Variants in LMNB1 observed in about 807,000 individuals in gnomAD.
LMNB1 encodes lamin-B1.
LMNB1 carries 23 observed loss-of-function variants against 67.1 expected under a neutral mutation model. The ratio of observed to expected loss-of-function variants is 0.34; its 90% CI spans 0.25 to 0.49. The LOEUF is 0.49. Among genes scored for constraint, LMNB1 ranks in the 20% least tolerant of loss-of-function variants. The pLI, the probability that LMNB1 is intolerant of heterozygous loss-of-function variation, is 0.99. For synonymous variants in LMNB1, 281 were observed against 282.9 expected, an observed-to-expected ratio of 0.99 and a Z score of 0.07; for missense variants, 634 against 746.5, an observed-to-expected ratio of 0.85 and a Z score of 1.76.
chr5:126,821,092 A>G lies in LMNB1; in HGVS notation c.1343A>G (p.Asp448Gly), dbSNP rs911739461. The G allele has an allele frequency of 2.2e-5, 36 of 1,613,778 alleles. No homozygotes were observed. The highest frequency in any genetic ancestry group is 4.0e-5 in the African/African-American group (3 of 74,894). The stretch of plus-strand genomic sequence containing the variant: ...GGAAATGTTTGCATCGAAGAAATTG[A>G]TGTTGATGGGAAATTTATCCGCTTG... ...ATGNVCIEEI[D>G]VDGKFIRLKN... The change falls in exon 7 of 11, where the codon GAT becomes GGT. Residue 448 changes from aspartate to glycine, a missense_variant. By Grantham distance (94) the Asp-to-Gly change is moderately conservative. Transcript: ENST00000261366.
chr5:126,828,913 T>C (rs894981559), intron 9 of LMNB1, among the ~76,000 whole-genome samples: 2 of 152,300 alleles, frequency 1.3e-5, no homozygotes, highest in Middle Eastern at 6.8e-3. Context: ...TGCGAGGCTC[T>C]GTTTTAAGTG....
At chr5:126,820,705 T>G (rs1004631121) in intron 6 of LMNB1, among the ~76,000 whole-genome samples, 4 of 152,034 alleles carry the variant, frequency 2.6e-5, no homozygotes, top group Non-Finnish European at 5.9e-5. Context: ...TTTGTATTTT[T>G]AGTAGAGACG....
intron 1 of LMNB1, among the ~76,000 whole-genome samples, chr5:126,778,939 A>C (rs768406598): frequency 3.3e-5 from 5 of 152,022 alleles, no homozygotes; most frequent in Non-Finnish European, 7.4e-5. Context: ...CCTTATTTTG[A>C]CTTTCTGATA....
chr5:126,832,070 A>G (rs1410627772), intron 9 of LMNB1, among the ~76,000 whole-genome samples: 1 of 152,116 alleles, frequency 6.6e-6, no homozygotes, highest in African/African-American at 2.4e-5. Context: ...GTTCAAGACC[A>G]GCCTGGCCAA....
In LMNB1 at chr5:126,811,949, A is replaced by G. The variant is rs554765763; in HGVS notation, c.939+51A>G. The G allele has an allele frequency of 3.2e-5, 50 of 1,566,060 alleles. No homozygotes were observed. In the Admixed American group the frequency reaches 5.7e-4, roughly 18 times the overall value. ...GTTAGACTTGAAGGCTACCTTCACC[A>G]CGGGCACCTACCTGCTTTGCTTGGG... is the stretch of plus-strand genomic sequence containing the variant. On this transcript the variant is annotated intron_variant, in intron 5 of 10. Transcript: ENST00000261366.
intron 1 of LMNB1, among the ~76,000 whole-genome samples, chr5:126,798,323 G>T (rs893675629): frequency 2.0e-5 from 3 of 151,910 alleles, no homozygotes; most frequent in Non-Finnish European, 4.4e-5. Flanking sequence ...GGTGGCGGGT[G>T]CCTGTAGTCC....
At chr5:126,792,798 ACTCCCGAC>A (rs745738345) in intron 1 of LMNB1, among the ~76,000 whole-genome samples, 17 of 147,542 alleles carry the variant, frequency 1.2e-4, no homozygotes, top group Non-Finnish European at 2.2e-4. Flanking sequence ...CTGGTCTCAA[ACTCCCGAC>A]CTCAGGTGAT....
At position 126,826,032 on chromosome 5, in the gene LMNB1, C is replaced by A. The variant is rs1415481034; in HGVS notation, c.1536C>A (p.Asp512Glu). The stretch of plus-strand genomic sequence containing the variant: ...GTGTCACAGCCAGCCCCCCAACTGA[C>A]CTCATCTGGAAGAACCAGAACTCGT... ...NAGVTASPPT[D>E]LIWKNQNSWG... Residue 512 changes from aspartate to glutamate, a missense_variant, in exon 9 of 11, where the codon GAC (aspartate) becomes GAA (glutamate). Transcript: ENST00000261366. 1 of 1,613,886 alleles carries A rather than the reference C, an allele frequency of 6.2e-7. No individual in the cohort carries two copies. The highest frequency in any genetic ancestry group is 8.5e-7 in the Non-Finnish European group (1 of 1,179,952).
rs55837872 is a variant in LMNB1 at position 126,795,130 on chromosome 5, C to CTTTTTTTT, written c.360-9638_360-9631dup. Among the ~76,000 whole-genome samples the CTTTTTTTT allele has an allele frequency of 2.4e-3, 314 of 128,918 alleles. 7 individuals carry two copies. The highest frequency in any genetic ancestry group is 0.011 in the South Asian group (46 of 4,124). The allele number at this position is 128,918 out of a possible 152,430, so 84.6% of individuals were successfully genotyped here. ...GGAATATGCTAACTAATTCCTTTTCCTTTTTTTTTTTTTTTAAATAAGGAT... is the reference window on the plus strand; with the variant it reads ...GGAATATGCTAACTAATTCCTTTTCCTTTTTTTTTTTTTTTTTTTTTTTAAATAAGGAT... On this transcript the variant is annotated intron_variant, in intron 1 of 10. Transcript: ENST00000261366.
Position 126,787,546 on chromosome 5 carries a change from A to ATATATATTTTTTTTTTTTT in LMNB1, c.359+9680_359+9681insATATATTTTTTTTTTTTTT. On this transcript the variant is annotated intron_variant, in intron 1 of 10. Coordinates refer to ENST00000261366, the MANE Select transcript of LMNB1 (RefSeq NM_005573.4). ...GGGGTATATATATATATATATATAT[A>ATATATATTTTTTTTTTTTT]TTTTTTTTTTTTTTTTTTGAGATAG... Among the ~76,000 whole-genome samples, 289 of 65,458 alleles carry ATATATATTTTTTTTTTTTT rather than the reference A, an allele frequency of 4.4e-3. 3 individuals carry two copies. The highest frequency in any genetic ancestry group is 5.9e-3 in the Non-Finnish European group (215 of 36,586). 42.9% of individuals were successfully genotyped at this position (65,458 alleles called of 152,430 possible).
intron 1 of LMNB1, among the ~76,000 whole-genome samples, chr5:126,794,479 G>T (rs1445093489): frequency 3.9e-5 from 6 of 152,124 alleles, no homozygotes; most frequent in Non-Finnish European, 8.8e-5. Context: ...TGAAAATAAG[G>T]TTTATTTTTT....
At chr5:126,804,724 C>T (rs1751372979) in intron 1 of LMNB1, 52 bp from the exon 2 acceptor site, 1 of 1,535,522 alleles carries the variant, frequency 6.5e-7, no homozygotes, top group Non-Finnish European at 8.9e-7. Flanking sequence ...AGGGAGAAGA[C>T]CTCAAGTCAT....
At chr5:126,787,542 A>ATTTTTTTTTTTTTTTTTT (rs1561735766) in intron 1 of LMNB1, among the ~76,000 whole-genome samples, 1 of 68,278 alleles carries the variant, frequency 1.5e-5, no homozygotes, top group African/African-American at 5.4e-5. Context: ...ATATATATAT[A>ATTTTTTTTTTTTTTTTTT]TATATTTTTT....
chr5:126,810,167 G>GT lies in LMNB1; in HGVS notation c.643-7dup, dbSNP rs1342489358. 3.1e-6 allele frequency: 5 copies of GT among 1,602,150 alleles called. No individual in the cohort carries two copies. The highest frequency in any genetic ancestry group is 1.3e-5 in the African/African-American group (1 of 74,714). Reference sequence around the variant, plus strand: ...TAAGTAGCTTGGCTTTATGCTTTTTGTTTTTTCCCCAGGAGATTAACGAGA... The same window carrying GT: ...TAAGTAGCTTGGCTTTATGCTTTTTGTTTTTTTCCCCAGGAGATTAACGAGA... On this transcript the variant is annotated splice_polypyrimidine_tract_variant and intron_variant, in intron 3 of 10. Coordinates refer to ENST00000261366, the MANE Select transcript of LMNB1 (RefSeq NM_005573.4).
intron 5 of LMNB1, among the ~76,000 whole-genome samples, chr5:126,813,195 G>A (rs1580545803): frequency 6.6e-6 from 1 of 152,174 alleles, no homozygotes; most frequent in African/African-American, 2.4e-5. Flanking sequence ...AGTTAACACA[G>A]GGGCTTTTAC....
At chr5:126,796,887 C>G (rs150136716) in intron 1 of LMNB1, among the ~76,000 whole-genome samples, 4,309 of 148,780 alleles carry the variant, frequency 0.029, 75 homozygotes, top group Middle Eastern at 0.11. Context: ...CCCCCAGATT[C>G]AAGCGATTCT....
At chr5:126,803,216 G>C (rs1250998518) in intron 1 of LMNB1, among the ~76,000 whole-genome samples, 2 of 150,752 alleles carry the variant, frequency 1.3e-5, no homozygotes, top group African/African-American at 4.9e-5. Context: ...TAGAGAAAAA[G>C]AAACTTCAGT....
intron 6 of LMNB1, among the ~76,000 whole-genome samples, chr5:126,819,503 T>G (rs1751808968): frequency 6.9e-6 from 1 of 144,578 alleles, no homozygotes; most frequent in South Asian, 2.2e-4. Flanking sequence ...TATTTATTTA[T>G]TTTTGAGACA....
rs372142905 is a variant in LMNB1 at position 126,777,735 on chromosome 5, C to T, written c.227C>T (p.Thr76Ile). 1.9e-6 allele frequency: 3 copies of T among 1,540,440 alleles called. No individual in the cohort carries two copies. The highest frequency in any genetic ancestry group is 2.6e-6 in the Non-Finnish European group (3 of 1,142,412). ...GAGGAGGTGCGCGGCCGTGAGCTCA[C>T]CGGCCTCAAGGCGCTCTACGAGACC... is the stretch of plus-strand genomic sequence containing the variant. ...EREEVRGRELTGLKALYETEL... is the reference protein window; with the variant it reads ...EREEVRGRELIGLKALYETEL... The change falls in exon 1 of 11, where the codon ACC (threonine) becomes ATC (isoleucine). Residue 76 changes from threonine (T) to isoleucine (I), a missense_variant. Transcript: ENST00000261366.
Sources: gnomAD v4.1 joint callset for allele counts (sites outside exome capture counted in the v4.1 genomes callset) on GRCh38, gnomAD v4.1.1 for gene constraint, MANE v1.5 for transcripts, NCBI Gene and HGNC (gene_info 2026-07-23, HGNC 2026-07-21) for gene names.